The following REV3L variants were observed in gnomAD, a reference collection of about 807,000 sequenced individuals.
REV3L encodes the protein REV3 like, DNA directed polymerase zeta catalytic subunit, also known as DNA polymerase zeta catalytic subunit.
In REV3L, 69 loss-of-function variants were observed where a neutral mutation model predicts 299.4. The ratio of observed to expected loss-of-function variants is 0.23; its 90% CI spans 0.19 to 0.28. REV3L has a LOEUF of 0.28. Ranked by LOEUF, REV3L falls within the 10% of genes least tolerant of loss-of-function variation. REV3L has a pLI of 1.00. For synonymous variants in REV3L, 1,238 were observed against 1,271.4 expected (o/e 0.97, Z 0.56); for missense variants, 3,128 against 3,693.8 (o/e 0.85, Z 3.97).
chr6:111,335,352 C>T lies in REV3L; in HGVS notation c.7680+117G>A, dbSNP rs1269748858. 9.9e-6 allele frequency: 11 copies of T among 1,105,580 alleles called. No individual in the cohort carries two copies. The East Asian group carries it at 1.6e-4, about 16-fold the overall frequency. 68.5% of individuals were successfully genotyped at this position (1,105,580 alleles called of 1,614,324 possible). A position where few individuals can be genotyped will look rare whatever the true frequency, so the allele number is the denominator to read the frequency against. On this transcript the variant is annotated intron_variant, in intron 22 of 31. Coordinates refer to ENST00000368802, the MANE Select transcript of REV3L (RefSeq NM_001372078.1). ...AATAAAATGACAAGATTTAATTACC[C>T]AGCTATTGATTAGTTGGTACCAAAC...
intron 25 of REV3L, among the ~76,000 whole-genome samples, chr6:111,325,440 C>T (rs1774674660): frequency 6.6e-6 from 1 of 152,190 alleles, no homozygotes; most frequent in Non-Finnish European, 1.5e-5. Context: ...TTGTCTTTCT[C>T]TATGATGGTA....
chr6:111,405,975 T>A (rs909911440), intron 3 of REV3L, among the ~76,000 whole-genome samples: 1 of 152,164 alleles, frequency 6.6e-6, no homozygotes, highest in Non-Finnish European at 1.5e-5. Context: ...GGAAAAGAAA[T>A]CATTACTTAT....
At chr6:111,351,641 T>G (rs200569796) in intron 19 of REV3L, 35 bp downstream of exon 19, 1 of 1,491,184 alleles carries the variant, frequency 6.7e-7, no homozygotes, top group South Asian at 1.2e-5. Flanking sequence ...ATTTGCTCTG[T>G]AGTTGAATGA....
At position 111,375,904 on chromosome 6, in the gene REV3L, G is replaced by A. The variant is rs1780256691; in HGVS notation, c.2451C>T (p.Val817=). 1 of 1,613,856 alleles carries A rather than the reference G, an allele frequency of 6.2e-7. No homozygotes were observed. Among genetic ancestry groups the A allele is most frequent in the African/African-American group, 1.3e-5 (1 of 74,900 alleles). Reference sequence around the variant, plus strand: ...TATTGCCAGGTTGTAATTTATATGTGACAGGAGATAGTTTCTGTGGTCTAG... The same window carrying A: ...TATTGCCAGGTTGTAATTTATATGTAACAGGAGATAGTTTCTGTGGTCTAG... The part of the protein sequence containing the change: ...CLTRPQKLSP[V]TYKLQPGNKP... The change falls in exon 13 of 32, where the codon GTC becomes GTT. Residue 817 remains valine, a synonymous_variant. Coordinates refer to ENST00000368802, the MANE Select transcript of REV3L (RefSeq NM_001372078.1).
intron 7 of REV3L, 57 bp from the exon 8 acceptor site, chr6:111,388,142 C>T: frequency 8.3e-7 from 1 of 1,209,634 alleles, no homozygotes; most frequent in Non-Finnish European, 1.2e-6. Flanking sequence ...GAAATATTTT[C>T]CCTTCTCCTA....
intron 1 of REV3L, among the ~76,000 whole-genome samples, chr6:111,456,787 C>T (rs1186060124): frequency 6.6e-6 from 1 of 152,132 alleles, no homozygotes; most frequent in Non-Finnish European, 1.5e-5. Context: ...AAATCTGACA[C>T]ACCTGAATTG....
intron 1 of REV3L, among the ~76,000 whole-genome samples, chr6:111,433,336 T>C (rs926654374): frequency 2.0e-5 from 3 of 150,154 alleles, no homozygotes; most frequent in African/African-American, 7.4e-5. Context: ...TCCAAACAAA[T>C]AAAACCAGAA....
intron 15 of REV3L, among the ~76,000 whole-genome samples, chr6:111,364,205 T>A (rs1238564549): frequency 1.3e-5 from 2 of 152,168 alleles, no homozygotes; most frequent in Non-Finnish European, 2.9e-5. Context: ...CCATATGTTA[T>A]CTCTCAGTTC....
In REV3L at chr6:111,303,167, T is replaced by TTCTTTTC. The variant is rs1224574274; in HGVS notation, c.9253-3012_9253-3011insGAAAAGA. Among the ~76,000 whole-genome samples, 9 of 117,426 alleles carry TTCTTTTC rather than the reference T, an allele frequency of 7.7e-5. 1 individual carries two copies. The East Asian group carries it at 2.1e-3, about 27-fold the overall frequency. The allele number at this position is 117,426 out of a possible 152,430, so 77.0% of individuals were successfully genotyped here. On this transcript the variant is annotated intron_variant, in intron 31 of 31. Transcript: ENST00000368802. ...TGTACTGAGGCTTTCTTTTCTTTCTTTTTTTTTTTTTTTTTGAGATGAGAG... is the reference window on the plus strand; with the variant it reads ...TGTACTGAGGCTTTCTTTTCTTTCTTTCTTTTCTTTTTTTTTTTTTTTGAGATGAGAG...
Position 111,375,244 on chromosome 6 carries a change from A to G in REV3L, c.3111T>C (p.Ile1037=). 7 of 1,612,250 alleles carry G rather than the reference A, an allele frequency of 4.3e-6. No homozygotes were observed. In the South Asian group the frequency reaches 7.8e-5, roughly 18 times the overall value. Reference sequence around the variant, plus strand: ...GACTTTTCTTTGGTGTTAGTGGATAAATGGGATATTTGGTTGCAGGGGAGT... The same window carrying G: ...GACTTTTCTTTGGTGTTAGTGGATAGATGGGATATTTGGTTGCAGGGGAGT... ...VPDSPATKYP[I]YPLTPKKSHR... The change falls in exon 13 of 32, where the codon ATT becomes ATC. Residue 1037 remains isoleucine, a synonymous_variant. Coordinates refer to ENST00000368802, the MANE Select transcript of REV3L (RefSeq NM_001372078.1).
At chr6:111,450,718 T>C (rs1171415770) in intron 1 of REV3L, among the ~76,000 whole-genome samples, 12 of 152,042 alleles carry the variant, frequency 7.9e-5, no homozygotes, top group Non-Finnish European at 1.5e-4. Context: ...AGCTGTACAT[T>C]TGGATAATTA....
At chr6:111,441,258 CATT>C (rs1336429503) in intron 1 of REV3L, among the ~76,000 whole-genome samples, 3 of 152,042 alleles carry the variant, frequency 2.0e-5, no homozygotes, top group African/African-American at 7.2e-5. Flanking sequence ...TTGTTGTCGT[CATT>C]GTTGTTTTTG....
chr6:111,432,313 A>G (rs1026363531), intron 1 of REV3L, among the ~76,000 whole-genome samples: 20 of 152,252 alleles, frequency 1.3e-4, no homozygotes, highest in African/African-American at 4.8e-4. Context: ...GCTGCCTATA[A>G]GAAACTTACT....
Position 111,374,512 on chromosome 6 carries a change from G to A in REV3L, c.3843C>T (p.Ser1281=), listed in dbSNP as rs1375563350. The A allele has an allele frequency of 6.2e-7, 1 of 1,613,968 alleles. No homozygotes were observed. Among genetic ancestry groups the A allele is most frequent in the African/African-American group, 1.3e-5 (1 of 75,008 alleles). Reference sequence around the variant, plus strand: ...GTTGTGCATTAATTCCAGTGGGTAGGGAAGCAGAAAGGGGATGATCTACAG... The same window carrying A: ...GTTGTGCATTAATTCCAGTGGGTAGAGAAGCAGAAAGGGGATGATCTACAG... The part of the protein sequence containing the change: ...GSAVDHPLSA[S]LPTGINAQQK... The change falls in exon 13 of 32, where the codon TCC becomes TCT. Residue 1281 remains serine, a synonymous_variant. Coordinates refer to ENST00000368802, the MANE Select transcript of REV3L (RefSeq NM_001372078.1).
At position 111,416,264 on chromosome 6, in the gene REV3L, T is replaced by A. The variant is rs372475109; in HGVS notation, c.329+19A>T. ...AGCAACATAAACAGAAATTATAAAA[T>A]ATATTATCATATACTTACATTCCTG... On this transcript the variant is annotated intron_variant, in intron 2 of 31. Transcript: ENST00000368802. 13 of 1,502,692 alleles carry A rather than the reference T, an allele frequency of 8.7e-6. No homozygotes were observed. The highest frequency in any genetic ancestry group is 4.2e-5 in the African/African-American group (3 of 70,774). The allele number at this position is 1,502,692 out of a possible 1,614,324, so 93.1% of individuals were successfully genotyped here. A position where few individuals can be genotyped will look rare whatever the true frequency, so the allele number is the denominator to read the frequency against.
intron 1 of REV3L, among the ~76,000 whole-genome samples, chr6:111,418,698 T>C (rs1205765958): frequency 6.6e-6 from 1 of 152,222 alleles, no homozygotes; most frequent in Non-Finnish European, 1.5e-5. Context: ...TGGTTCAATG[T>C]TTTTAAAAAG....
At position 111,375,689 on chromosome 6, in the gene REV3L, G is replaced by A; in HGVS notation, c.2666C>T (p.Thr889Ile). 1.2e-6 allele frequency: 2 copies of A among 1,613,982 alleles called. No individual in the cohort carries two copies. Among genetic ancestry groups the A allele is most frequent in the Non-Finnish European group, 1.7e-6 (2 of 1,179,914 alleles). The change falls in exon 13 of 32, where the codon ACA becomes ATA. Residue 889 changes from threonine to isoleucine, a missense_variant. Thr to Ile is a moderately conservative substitution (Grantham distance 89). Around this residue, in one of 9 missense-constraint regions of REV3L, gnomAD observed 2,409 missense variants for 2,611.8 expected, o/e 0.92. Transcript: ENST00000368802. ...KTTRGAFENKTPTDGFIDCHF... is the reference protein window; with the variant it reads ...KTTRGAFENKIPTDGFIDCHF... ...ACAGTCTATAAAACCATCTGTGGGTGTTTTATTTTCAAAAGCTCCACGAGT... is the reference window on the plus strand; with the variant it reads ...ACAGTCTATAAAACCATCTGTGGGTATTTTATTTTCAAAAGCTCCACGAGT...
At position 111,439,062 on chromosome 6, in the gene REV3L, G is replaced by A. The variant is rs534544800; in HGVS notation, c.140-22590C>T. On this transcript the variant is annotated intron_variant, in intron 1 of 31. Transcript: ENST00000368802. ...ATTAGGTTGGTGCAAAAGTAACTGT[G>A]GTTTTTGCATTGTTGGAATTTGCTG... Among the ~76,000 whole-genome samples, 12 of 152,194 alleles carry A rather than the reference G, an allele frequency of 7.9e-5. No homozygotes were observed. The South Asian group carries it at 2.5e-3, about 32-fold the overall frequency.
intron 1 of REV3L, among the ~76,000 whole-genome samples, chr6:111,478,243 T>C (rs1312427216): frequency 2.0e-5 from 3 of 152,222 alleles, no homozygotes; most frequent in African/African-American, 7.2e-5. Context: ...CTTTGTCTTA[T>C]ACACATTTCT....
Sources: gnomAD v4.1 joint callset for allele counts (sites outside exome capture counted in the v4.1 genomes callset) on GRCh38, gnomAD v4.1.1 for gene constraint, gnomAD v4.1.1 regional missense constraint, MANE v1.5 for transcripts, NCBI Gene and HGNC (gene_info 2026-07-23, HGNC 2026-07-21) for gene names.